The following CTNNA2 variants were observed in gnomAD, a reference collection of about 807,000 sequenced individuals.
CTNNA2 encodes catenin alpha 2.
Under a neutral mutation model 101.0 loss-of-function variants are expected in CTNNA2, and 42 were observed. The ratio of observed to expected loss-of-function variants is 0.42; its 90% CI spans 0.32 to 0.54. The LOEUF (loss-of-function observed/expected upper bound fraction) is 0.54, where lower values mean the gene tolerates loss of function less well. Among genes scored for constraint, CTNNA2 ranks in the 20% least tolerant of loss-of-function variants. The pLI is 0.14. For missense variants in CTNNA2, 871 were observed against 1,223.1 expected (o/e 0.71, Z 4.29); for synonymous variants, 450 against 456.4 (o/e 0.99, Z 0.18).
At chr2:79,985,682 A>G (rs1374424366) in intron 7 of CTNNA2, among the ~76,000 whole-genome samples, 2 of 152,226 alleles carry the variant, frequency 1.3e-5, no homozygotes, top group African/African-American at 4.8e-5. Flanking sequence ...GTTAACGTCA[A>G]TGGAAACAGA....
chr2:80,581,142 C>A (rs1282908153), intron 13 of CTNNA2, among the ~76,000 whole-genome samples: 1 of 152,178 alleles, frequency 6.6e-6, no homozygotes, highest in Admixed American at 6.5e-5. Context: ...CTATTATCAA[C>A]CTCAATTTAC....
chr2:79,232,921 CT>C (rs1288890716), intron 2 of CTNNA2, among the ~76,000 whole-genome samples: 4 of 152,150 alleles, frequency 2.6e-5, no homozygotes, highest in South Asian at 4.1e-4. Context: ...TTATTTGGAT[CT>C]TTTTTTCATC....
intron 2 of CTNNA2, among the ~76,000 whole-genome samples, chr2:79,202,081 A>G (rs776121086): frequency 2.0e-5 from 3 of 152,184 alleles, no homozygotes; most frequent in Admixed American, 6.5e-5. Context: ...TCCATTGAAT[A>G]CACAATTTAC....
chr2:79,290,651 C>T (rs1303322715), intron 2 of CTNNA2, among the ~76,000 whole-genome samples: 2 of 152,108 alleles, frequency 1.3e-5, no homozygotes, highest in African/African-American at 4.8e-5. Context: ...CACCAACAGG[C>T]ACCAGCAGGC....
intron 8 of CTNNA2, among the ~76,000 whole-genome samples, chr2:80,413,768 T>C (rs1339412966): frequency 6.6e-6 from 1 of 152,206 alleles, no homozygotes; most frequent in African/African-American, 2.4e-5. Context: ...TGGCAGAACA[T>C]GTCAGTAATC....
Position 79,562,134 on chromosome 2 carries a change from C to T in CTNNA2, c.-6+48927C>T, listed in dbSNP as rs78214867. 4.1e-3 allele frequency among the ~76,000 whole-genome samples: 630 copies of T among 151,904 alleles called. 6 individuals carry two copies. The highest frequency in any genetic ancestry group is 0.014 in the African/African-American group (600 of 41,490). Reference sequence around the variant, plus strand: ...TTTTGATCAATTTTTAGTTAATTTTCATATATGGTAGGCATCCAACTACAT... The same window carrying T: ...TTTTGATCAATTTTTAGTTAATTTTTATATATGGTAGGCATCCAACTACAT... On this transcript the variant is annotated intron_variant, in intron 1 of 18. Transcript: ENST00000402739.
At chr2:79,521,169 A>AT (rs1672102790) in intron 1 of CTNNA2, among the ~76,000 whole-genome samples, 13 of 107,584 alleles carry the variant, frequency 1.2e-4, no homozygotes, top group African/African-American at 3.8e-4. Context: ...TATATATATA[A>AT]ATTTTAAGGT....
upstream of CTNNA2, among the ~76,000 whole-genome samples, chr2:79,508,961 A>G (rs1044291015): frequency 0.17 from 55 of 322 alleles, no homozygotes; most frequent in African/African-American, 0.23. Context: ...TGCAGTATAT[A>G]TATATATATA....
At chr2:79,753,599 G>A (rs1672190400) in intron 3 of CTNNA2, among the ~76,000 whole-genome samples, 1 of 152,146 alleles carries the variant, frequency 6.6e-6, no homozygotes, top group African/African-American at 2.4e-5. Context: ...AAACAGCTAA[G>A]ATATGACCAT....
chr2:79,505,384 C>A (rs1401033071), intron 5 of CTNNA2, among the ~76,000 whole-genome samples: 1 of 152,094 alleles, frequency 6.6e-6, no homozygotes, highest in South Asian at 2.1e-4. Flanking sequence ...TGGACTGATA[C>A]AGTCATAAAA....
intron 7 of CTNNA2, among the ~76,000 whole-genome samples, chr2:80,342,909 G>C (rs141694041): frequency 6.6e-6 from 1 of 152,154 alleles, no homozygotes; most frequent in Non-Finnish European, 1.5e-5. Context: ...CCTACTGAAG[G>C]TTGTGAGGGA....
chr2:79,500,924 C>G (rs892262904), intron 4 of CTNNA2: 23 of 152,144 alleles, frequency 1.5e-4, no homozygotes, highest in African/African-American at 5.1e-4. Context: ...CTGATTACAC[C>G]GTTTTGTCAC....
chr2:80,230,321 C>G (rs1238213578), intron 7 of CTNNA2, among the ~76,000 whole-genome samples: 3 of 141,328 alleles, frequency 2.1e-5, no homozygotes, highest in Non-Finnish European at 3.0e-5. Flanking sequence ...GTCTTGAACT[C>G]CTGGCCTCAA....
chr2:79,793,888 GCA>G lies in CTNNA2; in HGVS notation c.298+49337_298+49338del, dbSNP rs71385299. Among the ~76,000 whole-genome samples the G allele has an allele frequency of 6.8e-3, 963 of 142,488 alleles. 8 individuals carry two copies. Among genetic ancestry groups the G allele is most frequent in the African/African-American group, 0.016 (601 of 38,468 alleles). The allele number at this position is 142,488 out of a possible 152,430, so 93.5% of individuals were successfully genotyped here. On this transcript the variant is annotated intron_variant, in intron 3 of 18. Coordinates refer to ENST00000402739, the MANE Select transcript of CTNNA2 (RefSeq NM_001282597.3). ...CAATACCACACACACACACACTCATGCACACACACACACACACACACACACAC... is the reference window on the plus strand; with the variant it reads ...CAATACCACACACACACACACTCATGCACACACACACACACACACACACAC...
At chr2:80,498,581 G>A (rs1341053208) in intron 9 of CTNNA2, among the ~76,000 whole-genome samples, 1 of 152,146 alleles carries the variant, frequency 6.6e-6, no homozygotes, top group Non-Finnish European at 1.5e-5. Context: ...ATGCTTAGGG[G>A]AAGAAGAAAA....
At chr2:79,691,692 A>G (rs78392612) in intron 2 of CTNNA2, among the ~76,000 whole-genome samples, 1 of 152,100 alleles carries the variant, frequency 6.6e-6, no homozygotes, top group African/African-American at 2.4e-5. Flanking sequence ...GACCAATGGA[A>G]CAGAACAGAG....
chr2:80,590,894 T>C (rs1003416196), intron 15 of CTNNA2, among the ~76,000 whole-genome samples: 10 of 152,204 alleles, frequency 6.6e-5, no homozygotes, highest in African/African-American at 2.4e-4. Flanking sequence ...CTGAAACTTC[T>C]ACAAATCAGA....
In CTNNA2 at chr2:79,811,641, C is replaced by T. The variant is rs188710893; in HGVS notation, c.299-46372C>T. ...TTGATTATTGTATCTTTATAAGAATCTTGAAATCAAGTAATGCCTTCTAAC... is the reference window on the plus strand; with the variant it reads ...TTGATTATTGTATCTTTATAAGAATTTTGAAATCAAGTAATGCCTTCTAAC... On this transcript the variant is annotated intron_variant, in intron 3 of 18. Coordinates refer to ENST00000402739, the MANE Select transcript of CTNNA2 (RefSeq NM_001282597.3). Among the ~76,000 whole-genome samples, 90 of 152,146 alleles carry T rather than the reference C, an allele frequency of 5.9e-4. 2 individuals are homozygous for T. The highest frequency in any genetic ancestry group is 2.2e-4 in the Non-Finnish European group (15 of 68,018).
chr2:80,179,320 G>T (rs1029529348), intron 7 of CTNNA2, among the ~76,000 whole-genome samples: 13 of 152,056 alleles, frequency 8.5e-5, no homozygotes, highest in Non-Finnish European at 1.8e-4. Context: ...AAATAGGAGA[G>T]ATGAACAGGA....
Sources: allele counts gnomAD v4.1 joint callset (sites outside exome capture counted in the v4.1 genomes callset), GRCh38; gene constraint gnomAD v4.1.1; transcripts MANE v1.5; gene names NCBI Gene and HGNC (gene_info 2026-07-23, HGNC 2026-07-21).